Variants in COL24A1 observed in about 807,000 individuals in gnomAD.
The protein encoded by COL24A1 is collagen type XXIV alpha 1 chain, also known as collagen alpha-1(XXIV) chain.
COL24A1 carries 224 observed loss-of-function variants against 253.9 expected under a neutral mutation model. The ratio of observed to expected loss-of-function variants is 0.88; its 90% CI spans 0.79 to 0.99. The LOEUF (loss-of-function observed/expected upper bound fraction) is 0.99, where lower values mean the gene tolerates loss of function less well. COL24A1 is among the 50% of genes least tolerant of loss of function. The pLI is 0.00. For synonymous variants in COL24A1, 685 were observed against 673.7 expected (o/e 1.02, Z -0.26); for missense variants, 2,131 against 2,068.5 (o/e 1.03, Z -0.59).
In COL24A1 at chr1:85,896,083, C is replaced by G; in HGVS notation, c.2833-18G>C. On this transcript the variant is annotated intron_variant, in intron 29 of 59. Transcript: ENST00000370571. ...TTTTCACCCTAACAAAGTATCAAAG[C>G]CAGGTGAGTTAGTAAGAATGTGAAT... 6.2e-7 allele frequency: 1 copy of G among 1,611,636 alleles called. No individual in the cohort carries two copies. Among genetic ancestry groups the G allele is most frequent in the Non-Finnish European group, 8.5e-7 (1 of 1,178,956 alleles).
chr1:85,982,150 A>C (rs1693315797), intron 20 of COL24A1, among the ~76,000 whole-genome samples: 1 of 152,146 alleles, frequency 6.6e-6, no homozygotes, highest in Admixed American at 6.5e-5. Context: ...TATGTGAAAT[A>C]AGTCAAATAA....
Position 85,823,604 on chromosome 1 carries a change from A to G in COL24A1, c.3736-15T>C. ...CCTGGTTCGCCCTTTAGTAGAAACC[A>G]AAATAAAAATCACATATGAAGCAGA... On this transcript the variant is annotated splice_polypyrimidine_tract_variant and intron_variant, in intron 44 of 59. Coordinates refer to ENST00000370571, the MANE Select transcript of COL24A1 (RefSeq NM_152890.7). 1 of 1,614,008 alleles carries G rather than the reference A, an allele frequency of 6.2e-7. No homozygotes were observed. The highest frequency in any genetic ancestry group is 8.5e-7 in the Non-Finnish European group (1 of 1,179,904).
chr1:85,948,547 A>AAAAAAC (rs1689570631), intron 24 of COL24A1, among the ~76,000 whole-genome samples: 1 of 141,996 alleles, frequency 7.0e-6, no homozygotes, highest in Admixed American at 7.2e-5. Context: ...AAAAAAAAAA[A>AAAAAAC]GAAACCATTA....
At chr1:86,087,460 T>A (rs1703146305) in intron 7 of COL24A1, among the ~76,000 whole-genome samples, 1 of 152,172 alleles carries the variant, frequency 6.6e-6, no homozygotes, top group Non-Finnish European at 1.5e-5. Context: ...TGTCTATGAA[T>A]AATATTTACT....
intron 37 of COL24A1, among the ~76,000 whole-genome samples, chr1:85,853,738 T>G (rs967527321): frequency 2.0e-5 from 3 of 152,214 alleles, no homozygotes; most frequent in African/African-American, 7.2e-5. Context: ...GAGCATTTTT[T>G]CATCTACTTG....
chr1:85,763,726 C>A (rs1302700852), intron 53 of COL24A1, among the ~76,000 whole-genome samples: 1 of 151,866 alleles, frequency 6.6e-6, no homozygotes, highest in Non-Finnish European at 1.5e-5. Context: ...AACTCCTGGC[C>A]TCAAGTGATC....
chr1:85,916,175 T>G (rs1253212254), intron 24 of COL24A1, among the ~76,000 whole-genome samples: 1 of 152,188 alleles, frequency 6.6e-6, no homozygotes, highest in African/African-American at 2.4e-5. Flanking sequence ...AGGCAAATAT[T>G]GGACAGAACT....
chr1:86,064,964 A>G (rs1701362870), intron 7 of COL24A1, among the ~76,000 whole-genome samples: 1 of 152,212 alleles, frequency 6.6e-6, no homozygotes, highest in South Asian at 2.1e-4. Context: ...CAGTTGCCCA[A>G]ATGTTTACAC....
chr1:85,842,553 G>A (rs1301415286), intron 39 of COL24A1, among the ~76,000 whole-genome samples, 160 bp from the exon 40 acceptor site: 1 of 151,730 alleles, frequency 6.6e-6, no homozygotes, highest in Non-Finnish European at 1.5e-5. Context: ...CCCAACTTTT[G>A]TCTATTTTTT....
chr1:85,756,073 A>G (rs1666221755), intron 55 of COL24A1, among the ~76,000 whole-genome samples: 1 of 150,220 alleles, frequency 6.7e-6, no homozygotes, highest in African/African-American at 2.4e-5. Context: ...AAAAAAAAAA[A>G]AAAAAAAGGC....
intron 47 of COL24A1, among the ~76,000 whole-genome samples, chr1:85,799,292 G>A (rs1271449862): frequency 1.4e-5 from 2 of 142,890 alleles, no homozygotes; most frequent in Admixed American, 7.4e-5. Flanking sequence ...GTTGCATAAT[G>A]CTAAAAATCC....
intron 28 of COL24A1, among the ~76,000 whole-genome samples, chr1:85,901,500 G>A (rs1184602740): frequency 6.6e-6 from 1 of 151,996 alleles, no homozygotes; most frequent in Non-Finnish European, 1.5e-5. Flanking sequence ...AAAAGAGTAT[G>A]GAGATTTCTC....
At chr1:85,857,917 T>C (rs1678641409) in intron 37 of COL24A1, among the ~76,000 whole-genome samples, 1 of 152,166 alleles carries the variant, frequency 6.6e-6, no homozygotes, top group Non-Finnish European at 1.5e-5. Context: ...TAAGTACAAA[T>C]TTGTTGCTCT....
chr1:85,882,446 A>G (rs1681965047), intron 32 of COL24A1, among the ~76,000 whole-genome samples: 1 of 152,200 alleles, frequency 6.6e-6, no homozygotes, highest in South Asian at 2.1e-4. Context: ...CCTGGGCGAC[A>G]GAGCAAGACT....
At chr1:85,860,489 C>T (rs950816130) in intron 37 of COL24A1, among the ~76,000 whole-genome samples, 1 of 152,186 alleles carries the variant, frequency 6.6e-6, no homozygotes, top group Non-Finnish European at 1.5e-5. Context: ...CGCCTGTAAT[C>T]CCAGCAGTTT....
intron 24 of COL24A1, among the ~76,000 whole-genome samples, chr1:85,927,104 C>A (rs955211730): frequency 3.3e-5 from 5 of 152,114 alleles, no homozygotes; most frequent in African/African-American, 9.7e-5. Context: ...GGAACAGCTC[C>A]GGTCTACAGC....
chr1:86,091,348 T>C (rs1415834509), intron 6 of COL24A1, among the ~76,000 whole-genome samples: 3 of 152,024 alleles, frequency 2.0e-5, no homozygotes, highest in African/African-American at 4.8e-5. Flanking sequence ...AGAGTAATTA[T>C]GTTTTTTTTT....
Position 85,784,125 on chromosome 1 carries a change from G to A in COL24A1, c.4209C>T (p.Phe1403=). 2 of 1,613,016 alleles carry A rather than the reference G, an allele frequency of 1.2e-6. No individual in the cohort carries two copies. Among genetic ancestry groups the A allele is most frequent in the Non-Finnish European group, 1.7e-6 (2 of 1,179,232 alleles). Residue 1403 remains phenylalanine, a synonymous_variant, in exon 50 of 60, where the codon TTC becomes TTT. Transcript: ENST00000370571. The part of the protein sequence containing the change: ...GVQGLTGFQG[F]PGPKGPEGDA... Reference sequence around the variant, plus strand: ...TATGTAAACATACTTTAGGGCCTGGGAATCCTTGGAAACCTGTCAAACCTT... The same window carrying A: ...TATGTAAACATACTTTAGGGCCTGGAAATCCTTGGAAACCTGTCAAACCTT...
chr1:86,011,774 T>C (rs1430821504), intron 19 of COL24A1, among the ~76,000 whole-genome samples: 1 of 152,240 alleles, frequency 6.6e-6, no homozygotes, highest in Non-Finnish European at 1.5e-5. Context: ...ATAATTTCCA[T>C]GCAGAGAACA....
Sources: gnomAD v4.1 joint callset for allele counts (sites outside exome capture counted in the v4.1 genomes callset) on GRCh38, gnomAD v4.1.1 for gene constraint, MANE v1.5 for transcripts, NCBI Gene and HGNC (gene_info 2026-07-23, HGNC 2026-07-21) for gene names.